The following ASPM variants were observed in gnomAD, a reference collection of about 807,000 sequenced individuals.
ASPM encodes the protein abnormal spindle-like microcephaly-associated protein.
In ASPM, 256 loss-of-function variants were observed where a neutral mutation model predicts 366.4. That is an observed-to-expected ratio of 0.70 (90% confidence interval 0.63 to 0.77). The LOEUF (loss-of-function observed/expected upper bound fraction) is 0.77. Ranked by LOEUF, ASPM falls within the 30% of genes least tolerant of loss-of-function variation. The pLI is 0.00. For missense variants in ASPM, 4,146 were observed against 4,090.4 expected (o/e 1.01, Z -0.37); for synonymous variants, 1,414 against 1,342.9 (o/e 1.05, Z -1.16).
chr1:197,142,670 G>A lies in ASPM; in HGVS notation c.1582C>T (p.His528Tyr), dbSNP rs1158548127. ...TTTTGATTATTTATTACTTTTTCAT[G>A]TTCACCCACTGCACTGTTGAGACAT... Reference protein sequence around the residue: ...KRCLNSAVGEHEKVINNQKEK... With the variant: ...KRCLNSAVGEYEKVINNQKEK... Residue 528 changes from histidine (H) to tyrosine (Y), a missense_variant, in exon 3 of 28, where the codon CAT becomes TAT. This residue lies in a region of ASPM where 3,624 missense variants were observed against 3,591.7 expected (regional missense o/e 1.01). Transcript: ENST00000367409. 1 of 1,613,014 alleles carries A rather than the reference G, an allele frequency of 6.2e-7. No homozygotes were observed. The highest frequency in any genetic ancestry group is 8.5e-7 in the Non-Finnish European group (1 of 1,179,354).
At position 197,096,192 on chromosome 1, in the gene ASPM, T is replaced by A. The variant is rs774781918; in HGVS notation, c.8821-28A>T. On this transcript the variant is annotated intron_variant, in intron 18 of 27. Transcript: ENST00000367409. ...ATTAAATACATAAATATAACAAGTA[T>A]GCAATGAGTTGTCTCTTTTTTTTTG... is the stretch of plus-strand genomic sequence containing the variant. 1.0e-5 allele frequency: 16 copies of A among 1,536,114 alleles called. No individual in the cohort carries two copies. The East Asian group carries it at 3.2e-4, about 30-fold the overall frequency.
Position 197,122,126 on chromosome 1 carries a change from G to C in ASPM, c.3741+33C>G, listed in dbSNP as rs1050321724. Reference sequence around the variant, plus strand: ...TATCATCTTCTGAGACTTTATTATTGAATTAATAATTAGAAACTCTTCTTT... The same window carrying C: ...TATCATCTTCTGAGACTTTATTATTCAATTAATAATTAGAAACTCTTCTTT... On this transcript the variant is annotated intron_variant, in intron 15 of 27. Coordinates refer to ENST00000367409, the MANE Select transcript of ASPM (RefSeq NM_018136.5). 4.4e-6 allele frequency: 7 copies of C among 1,591,698 alleles called. No individual in the cohort carries two copies. The African/African-American group carries it at 8.1e-5, about 18-fold the overall frequency.
At chr1:197,091,794 G>A in intron 22 of ASPM, 113 bp downstream of exon 22, 1 of 1,107,042 alleles carries the variant, frequency 9.0e-7, no homozygotes, top group Non-Finnish European at 1.3e-6. Flanking sequence ...TAAGGTGAAA[G>A]GCTAAATGTT....
rs1656848729 is a variant in ASPM, at chr1:197,093,281, A to T, written c.9085-20T>A. ...ATGTCTCTATAAGGAAAAATTTACA[A>T]GTAACATTAATGGGTAGAAAGAAAA... On this transcript the variant is annotated intron_variant, in intron 20 of 27. Coordinates refer to ENST00000367409, the MANE Select transcript of ASPM (RefSeq NM_018136.5). 1 of 1,589,318 alleles carries T rather than the reference A, an allele frequency of 6.3e-7. No homozygotes were observed. Among genetic ancestry groups the T allele is most frequent in the Admixed American group, 1.7e-5 (1 of 59,810 alleles).
At chr1:197,139,162 G>A in intron 4 of ASPM, 1 of 946,068 alleles carries the variant, frequency 1.1e-6, no homozygotes, top group Non-Finnish European at 1.7e-6. Context: ...TTGGTACAAA[G>A]AAGCATATCT....
chr1:197,102,922 C>T lies in ASPM; in HGVS notation c.6329G>A (p.Arg2110Lys). 6.2e-7 allele frequency: 1 copy of T among 1,612,574 alleles called. No individual in the cohort carries two copies. Among genetic ancestry groups the T allele is most frequent in the Non-Finnish European group, 8.5e-7 (1 of 1,179,164 alleles). The change falls in exon 18 of 28, where the codon AGA becomes AAA. Residue 2110 changes from arginine (R) to lysine (K), a missense_variant. Around this residue, in one of 3 missense-constraint regions of ASPM, gnomAD observed 3,624 missense variants for 3,591.7 expected, o/e 1.01. Transcript: ENST00000367409. ...CCTGTGCATGTGTTGAATATGTCTT[C>T]TAACTCTAATACCTCTATAAACAGA... Reference protein sequence around the residue: ...IQSVYRGIRVRRHIQHMHRAA... With the variant: ...IQSVYRGIRVKRHIQHMHRAA...
rs779874531 is a variant in ASPM, at chr1:197,143,956, C to T, written c.441+1G>A. ...AAATCACAGAATGGTTAAAACATTACCTTTTTCTTTTTCTGCTCTTCTGCA... is the reference window on the plus strand; with the variant it reads ...AAATCACAGAATGGTTAAAACATTATCTTTTTCTTTTTCTGCTCTTCTGCA... On this transcript the variant is annotated splice_donor_variant, in intron 2 of 27. Transcript: ENST00000367409. LOFTEE classifies it high-confidence loss of function. The T allele has an allele frequency of 6.2e-7, 1 of 1,603,978 alleles. No homozygotes were observed. Among genetic ancestry groups the T allele is most frequent in the Non-Finnish European group, 8.5e-7 (1 of 1,171,472 alleles).
rs1183851640 is a variant in ASPM at position 197,102,794 on chromosome 1, A to G, written c.6457T>C (p.Tyr2153His). 16 of 1,612,396 alleles carry G rather than the reference A, an allele frequency of 9.9e-6. No homozygotes were observed. Among genetic ancestry groups the G allele is most frequent in the South Asian group, 3.3e-5 (3 of 91,068 alleles). ...TCACGCTGCATTTTACCTTGATAAT[A>G]TGCTCTACATCTTACTTGAATAACA... ...AIVIQVRCRAYYQGKMQREKY... is the reference protein window; with the variant it reads ...AIVIQVRCRAHYQGKMQREKY... The change falls in exon 18 of 28, where the codon TAT (tyrosine) becomes CAT (histidine). Residue 2153 changes from tyrosine (Y) to histidine (H), a missense_variant. Tyr to His is a moderately conservative substitution (Grantham distance 83). Coordinates refer to ENST00000367409, the MANE Select transcript of ASPM (RefSeq NM_018136.5).
chr1:197,145,038 G>C (rs762125543), intron 1 of ASPM, among the ~76,000 whole-genome samples: 2 of 152,110 alleles, frequency 1.3e-5, no homozygotes, highest in Non-Finnish European at 2.9e-5. Context: ...AGAAAGGAAA[G>C]CAGGCAGTGA....
rs1657917981 is a variant in ASPM, at chr1:197,121,904, T to G, written c.3870+11A>C. ...AATTCACACTATAGTAGTTTCATAT[T>G]CTAGGAGTACCTGATGGCGTTTGAG... On this transcript the variant is annotated intron_variant, in intron 16 of 27. Coordinates refer to ENST00000367409, the MANE Select transcript of ASPM (RefSeq NM_018136.5). 6.2e-7 allele frequency: 1 copy of G among 1,601,692 alleles called. No homozygotes were observed.
rs78484497 is a variant in ASPM at position 197,138,987 on chromosome 1, T to C, written c.2026+780A>G. The C allele has an allele frequency of 5.3e-3, 3,847 of 720,654 alleles. 79 individuals carry two copies. Among genetic ancestry groups the C allele is most frequent in the African/African-American group, 0.046 (2,628 of 56,768 alleles). 44.6% of individuals were successfully genotyped at this position (720,654 alleles called of 1,614,324 possible). A position where few individuals can be genotyped will look rare whatever the true frequency, so the allele number is the denominator to read the frequency against. On this transcript the variant is annotated intron_variant, in intron 4 of 27. Coordinates refer to ENST00000367409, the MANE Select transcript of ASPM (RefSeq NM_018136.5). Reference sequence around the variant, plus strand: ...CATAAATCTGTTTCAACTCTTCTTCTCTCTGACATTGATCATAGCACTCTT... The same window carrying C: ...CATAAATCTGTTTCAACTCTTCTTCCCTCTGACATTGATCATAGCACTCTT...
At chr1:197,086,025 C>T (rs1656577843) in intron 27 of ASPM, among the ~76,000 whole-genome samples, 1 of 151,956 alleles carries the variant, frequency 6.6e-6, no homozygotes, top group African/African-American at 2.4e-5. Flanking sequence ...TAGAAATGGT[C>T]CCATTAATAT....
chr1:197,084,713 ACCT>A (rs1341653316), intron 27 of ASPM, among the ~76,000 whole-genome samples: 1 of 152,086 alleles, frequency 6.6e-6, no homozygotes, highest in Non-Finnish European at 1.5e-5. Flanking sequence ...TTCCTTGTAA[ACCT>A]GGTTCTTGTT....
intron 18 of ASPM, among the ~76,000 whole-genome samples, chr1:197,096,409 T>G (rs1011766103): frequency 6.6e-6 from 1 of 151,806 alleles, no homozygotes; most frequent in Non-Finnish European, 1.5e-5. Context: ...CAGCCCAGCC[T>G]AACAAAACCC....
intron 17 of ASPM, among the ~76,000 whole-genome samples, chr1:197,112,824 G>A (rs906483935): frequency 2.0e-5 from 3 of 152,020 alleles, no homozygotes; most frequent in African/African-American, 7.2e-5. Flanking sequence ...GCTGTGCCCC[G>A]ACTGCCTTGG....
intron 10 of ASPM, among the ~76,000 whole-genome samples, chr1:197,126,395 G>A (rs979700453): frequency 1.2e-4 from 17 of 142,798 alleles, no homozygotes; most frequent in African/African-American, 2.9e-4. Flanking sequence ...AGCCGAGATC[G>A]TGCCACTGCA....
chr1:197,090,408 G>A lies in ASPM; in HGVS notation c.9637-20C>T, dbSNP rs376437905. ...TAATGCCTTAAAGAGATAAAACAGA[G>A]TAATTTTAAGATTATAGCCAATGTT... On this transcript the variant is annotated intron_variant, in intron 23 of 27. Transcript: ENST00000367409. 1.7e-5 allele frequency: 27 copies of A among 1,552,910 alleles called. No individual in the cohort carries two copies. Among genetic ancestry groups the A allele is most frequent in the Non-Finnish European group, 2.4e-5 (27 of 1,133,454 alleles).
Position 197,092,071 on chromosome 1 carries a change from A to G in ASPM, c.9295-15T>C. 1 of 1,610,828 alleles carries G rather than the reference A, an allele frequency of 6.2e-7. No homozygotes were observed. Among genetic ancestry groups the G allele is most frequent in the African/African-American group, 1.3e-5 (1 of 74,912 alleles). On this transcript the variant is annotated splice_polypyrimidine_tract_variant and intron_variant, in intron 21 of 27. Coordinates refer to ENST00000367409, the MANE Select transcript of ASPM (RefSeq NM_018136.5). ...TGTTCTAAAAACTAAAGGTGAAAAA[A>G]CAAAGCATATTCAAGTATCTGCCTC...
chr1:197,086,454 G>A (rs1050090666), intron 27 of ASPM, among the ~76,000 whole-genome samples: 4 of 152,190 alleles, frequency 2.6e-5, no homozygotes, highest in South Asian at 2.1e-4. Context: ...TGATATTTTG[G>A]CTAAGAAGGA....
Sources: allele counts gnomAD v4.1 joint callset (sites outside exome capture counted in the v4.1 genomes callset), GRCh38; gene constraint gnomAD v4.1.1; regional missense constraint gnomAD v4.1.1; transcripts MANE v1.5; gene names NCBI Gene and HGNC (gene_info 2026-07-23, HGNC 2026-07-21).